The following TMEM230 variants were observed in gnomAD, a reference collection of about 807,000 sequenced individuals.
The protein encoded by TMEM230 is UPF0414 transmembrane protein C20orf30.
TMEM230 carries 10 observed loss-of-function variants against 15.8 expected under a neutral mutation model. That is an observed-to-expected ratio of 0.63 (90% CI 0.39 to 1.07). The LOEUF is 1.07. Among genes scored for constraint, TMEM230 ranks in the 50% least tolerant of loss-of-function variants. The probability of loss-of-function intolerance (pLI) is 0.01; values close to 1 mark genes in which losing one functional copy is unlikely to be tolerated. For synonymous variants in TMEM230, 67 were observed against 76.9 expected (o/e 0.87, Z 0.68); for missense variants, 165 against 193.3 (o/e 0.85, Z 0.87).
downstream of TMEM230, chr20:5,067,386 C>A (rs1222487527): frequency 2.1e-5 from 3 of 141,710 alleles, no homozygotes; most frequent in Non-Finnish European, 4.6e-5. Flanking sequence ...ATGAATATGC[C>A]ACAATGTCAA....
chr20:5,106,226 T>C lies in TMEM230; in HGVS notation c.373A>G (p.Ile125Val), dbSNP rs529773082. 2 of 1,613,842 alleles carry C rather than the reference T, an allele frequency of 1.2e-6. No individual in the cohort carries two copies. Among genetic ancestry groups the C allele is most frequent in the Admixed American group, 3.3e-5 (2 of 59,986 alleles). Residue 125 changes from isoleucine to valine, a missense_variant, in exon 4 of 5, where the codon ATA becomes GTA. Physicochemically the swap from Ile to Val is conservative, Grantham distance 29 (BLOSUM62 3). Transcript: ENST00000342308. ...TAGCCTGACAGCAGGAGGGAGCCTA[T>C]AATAATGAGAAAGGCGCCAATCAAA...
chr20:5,082,917 A>C (rs1365544131), intron 3 of TMEM230, among the ~76,000 whole-genome samples: 1 of 135,886 alleles, frequency 7.4e-6, no homozygotes, highest in African/African-American at 2.9e-5. Flanking sequence ...TTAATTCTTC[A>C]TATTGTTTTT....
At chr20:5,087,696 CTT>C (rs561757286) in intron 3 of TMEM230, among the ~76,000 whole-genome samples, 12,869 of 99,196 alleles carry the variant, frequency 0.13, 822 homozygotes, top group East Asian at 0.42. Flanking sequence ...GAAAGTATGG[CTT>C]TTTTTTTTTT....
At chr20:5,075,867 G>A (rs1032378885) in intron 3 of TMEM230, among the ~76,000 whole-genome samples, 2 of 151,802 alleles carry the variant, frequency 1.3e-5, no homozygotes, top group Non-Finnish European at 2.9e-5. Flanking sequence ...ACACTTGGAG[G>A]CCGAGGCAGG....
At chr20:5,106,072 C>A (rs909116773) in intron 4 of TMEM230, 116 bp downstream of exon 3, 2 of 1,321,214 alleles carry the variant, frequency 1.5e-6, no homozygotes, top group Non-Finnish European at 2.0e-6. Context: ...ACCACTGGGA[C>A]GGACAAACAC....
downstream of TMEM230, among the ~76,000 whole-genome samples, chr20:5,066,670 C>CAAAAAA (rs71332869): frequency 4.4e-5 from 4 of 90,818 alleles, no homozygotes; most frequent in East Asian, 1.1e-3. Context: ...GACTCTGTCT[C>CAAAAAA]AAAAAAAAAA....
At chr20:5,065,035 CT>C (rs200378480), downstream of TMEM230, among the ~76,000 whole-genome samples, 4 of 151,178 alleles carry the variant, frequency 2.6e-5, no homozygotes, top group African/African-American at 4.9e-5. Flanking sequence ...AAAAAGATAT[CT>C]TTTTTTTTCC....
intron 3 of TMEM230, among the ~76,000 whole-genome samples, chr20:5,092,731 A>AAAG (rs1555771077): frequency 6.6e-6 from 1 of 151,578 alleles, no homozygotes; most frequent in East Asian, 1.9e-4. Flanking sequence ...AAAAAAAAAA[A>AAAG]AGAGAGAGAG....
intron 2 of TMEM230, chr20:5,111,267 A>C (rs551397006): frequency 6.6e-6 from 1 of 152,082 alleles, no homozygotes; most frequent in African/African-American, 2.4e-5. Context: ...ATGGGTAAAT[A>C]TATTTTAGTC....
intron 3 of TMEM230, among the ~76,000 whole-genome samples, chr20:5,084,458 G>A (rs937292675): frequency 6.6e-6 from 1 of 151,642 alleles, no homozygotes; most frequent in African/African-American, 2.4e-5. Flanking sequence ...TCCTGACCTC[G>A]TGATCCACCC....
At chr20:5,086,335 C>T (rs1477836296) in intron 3 of TMEM230, among the ~76,000 whole-genome samples, 1 of 150,910 alleles carries the variant, frequency 6.6e-6, no homozygotes, top group Non-Finnish European at 1.5e-5. Flanking sequence ...GTCAGGAGTT[C>T]AAAACCAGCC....
intron 3 of TMEM230, among the ~76,000 whole-genome samples, chr20:5,090,235 G>C (rs2089469183): frequency 2.0e-5 from 3 of 152,070 alleles, no homozygotes; most frequent in Admixed American, 6.6e-5. Flanking sequence ...TAACACTAAA[G>C]GACATGAGTT....
chr20:5,093,871 G>A (rs945806206), intron 3 of TMEM230, among the ~76,000 whole-genome samples: 2 of 152,070 alleles, frequency 1.3e-5, no homozygotes, highest in Non-Finnish European at 2.9e-5. Context: ...TATATAAAAT[G>A]TAAAATACTT....
chr20:5,099,518 A>T (rs1418508363), downstream of TMEM230, among the ~76,000 whole-genome samples: 3 of 151,914 alleles, frequency 2.0e-5, no homozygotes, highest in Admixed American at 2.0e-4. Context: ...GGTGATCTCA[A>T]ACAGCCCTCT....
chr20:5,077,694 T>G (rs2089046586), intron 3 of TMEM230, among the ~76,000 whole-genome samples: 1 of 151,546 alleles, frequency 6.6e-6, no homozygotes, highest in Non-Finnish European at 1.5e-5. Context: ...ATTAGCAGGG[T>G]GTGGTGGCAG....
intron 4 of TMEM230, among the ~76,000 whole-genome samples, chr20:5,101,739 C>T (rs1487554082): frequency 6.6e-6 from 1 of 152,140 alleles, no homozygotes; most frequent in African/African-American, 2.4e-5. Context: ...GCTGTGTTCC[C>T]TGTTGTGTGT....
chr20:5,069,385 A>G (rs1258566093), intron 3 of TMEM230: 2 of 1,510,134 alleles, frequency 1.3e-6, no homozygotes, highest in South Asian at 1.3e-5. Flanking sequence ...TTCCACCACA[A>G]GTTCTGCCTC....
rs925563631 is a variant in TMEM230 at position 5,100,204 on chromosome 20, G to A, written c.*587C>T. 13 of 985,410 alleles carry A rather than the reference G, an allele frequency of 1.3e-5. No individual in the cohort carries two copies. In the Admixed American group the frequency reaches 3.7e-4, roughly 28 times the overall value. 61.0% of individuals were successfully genotyped at this position (985,410 alleles called of 1,614,324 possible). ...ACTGGATCAGAATGGTCCAAGGACT[G>A]TTAAACAGAGGAAGTATTTACATTT... is the stretch of plus-strand genomic sequence containing the variant. On this transcript the variant is annotated 3_prime_UTR_variant, in exon 5 of 5. Transcript: ENST00000342308.
At chr20:5,098,346 G>C (rs777354244), downstream of TMEM230, 1 of 152,126 alleles carries the variant, frequency 6.6e-6, no homozygotes, top group Non-Finnish European at 1.5e-5. Flanking sequence ...TGGCAAAGGG[G>C]TCAAGAAATG....
Sources: gnomAD v4.1 joint callset for allele counts (sites outside exome capture counted in the v4.1 genomes callset) on GRCh38, gnomAD v4.1.1 for gene constraint, MANE v1.5 for transcripts, NCBI Gene and HGNC (gene_info 2026-07-23, HGNC 2026-07-21) for gene names.